SCFD2: variants seen among roughly 807,000 people sequenced by gnomAD.
The protein encoded by SCFD2 is sec1 family domain containing 2, also known as sec1 family domain-containing protein 2.
SCFD2 carries 54 observed loss-of-function variants against 58.9 expected under a neutral mutation model. That is an observed-to-expected ratio of 0.92 (90% CI 0.74 to 1.15). SCFD2 has a LOEUF of 1.15. Among genes scored for constraint, SCFD2 ranks in the 50% most tolerant of loss-of-function variants. The pLI, the probability that SCFD2 is intolerant of heterozygous loss-of-function variation, is 0.00. For missense variants in SCFD2, 805 were observed against 836.6 expected (o/e 0.96, Z 0.47); for synonymous variants, 321 against 335.9 (o/e 0.96, Z 0.49).
At chr4:53,237,476 C>G (rs1247324186) in intron 4 of SCFD2, among the ~76,000 whole-genome samples, 2 of 70,132 alleles carry the variant, frequency 2.9e-5, no homozygotes, top group African/African-American at 1.3e-4. Flanking sequence ...GGGGGCTGAC[C>G]CCCCCACCTC....
intron 3 of SCFD2, 100 bp downstream of exon 3, chr4:53,313,536 A>T: frequency 7.2e-7 from 1 of 1,388,060 alleles, no homozygotes; most frequent in Non-Finnish European, 1.0e-6. Flanking sequence ...AGTCGTTACT[A>T]CTTTGGCCTA....
intron 6 of SCFD2, among the ~76,000 whole-genome samples, chr4:52,913,300 A>G (rs1719528693): frequency 6.6e-6 from 1 of 152,180 alleles, no homozygotes; most frequent in Admixed American, 6.5e-5. Flanking sequence ...AAGCTTCATC[A>G]GTATTTACAG....
At chr4:53,247,600 C>G (rs1730135089) in intron 4 of SCFD2, among the ~76,000 whole-genome samples, 2 of 152,182 alleles carry the variant, frequency 1.3e-5, no homozygotes, top group Admixed American at 1.3e-4. Flanking sequence ...TGGCTCACGC[C>G]TGTAATCCCA....
At chr4:53,250,158 C>T (rs578090102) in intron 4 of SCFD2, among the ~76,000 whole-genome samples, 23 of 152,108 alleles carry the variant, frequency 1.5e-4, no homozygotes, top group Non-Finnish European at 3.4e-4. Context: ...ACCCTAGTCT[C>T]GGATAAAACA....
chr4:53,213,707 A>C (rs148243307), intron 4 of SCFD2, among the ~76,000 whole-genome samples: 3 of 152,028 alleles, frequency 2.0e-5, no homozygotes, highest in African/African-American at 7.2e-5. Context: ...GCAAAACATG[A>C]AGGTTAGTTA....
chr4:53,172,475 T>C (rs1727209861), intron 4 of SCFD2, among the ~76,000 whole-genome samples: 1 of 152,226 alleles, frequency 6.6e-6, no homozygotes. Context: ...TATAGGTGTT[T>C]ATTGCTATAA....
At chr4:53,106,495 T>C (rs149994098) in intron 5 of SCFD2, among the ~76,000 whole-genome samples, 1,730 of 152,254 alleles carry the variant, frequency 0.011, 17 homozygotes, top group Middle Eastern at 0.034. Context: ...GAGGAATTGA[T>C]AACTAGAATA....
At chr4:53,268,726 G>A (rs1410496221) in intron 4 of SCFD2, among the ~76,000 whole-genome samples, 1 of 152,108 alleles carries the variant, frequency 6.6e-6, no homozygotes, top group Non-Finnish European at 1.5e-5. Context: ...GAGCTCAACT[G>A]AGGTAGAAGA....
chr4:53,320,100 A>G (rs1219810277), intron 2 of SCFD2, among the ~76,000 whole-genome samples: 2 of 152,230 alleles, frequency 1.3e-5, no homozygotes, highest in East Asian at 3.8e-4. Context: ...ACCTTTCAGG[A>G]TAAGTATCAT....
At chr4:53,339,223 A>G (rs1013915870) in intron 2 of SCFD2, among the ~76,000 whole-genome samples, 2 of 152,044 alleles carry the variant, frequency 1.3e-5, no homozygotes, top group Non-Finnish European at 2.9e-5. Flanking sequence ...AATTACTTGT[A>G]TGGGAGAGTA....
intron 5 of SCFD2, chr4:52,957,729 C>G (rs1296264329): frequency 3.9e-5 from 6 of 152,160 alleles, no homozygotes; most frequent in Non-Finnish European, 8.8e-5. Flanking sequence ...TTGATTAAAC[C>G]CTTGTTTGAT....
intron 5 of SCFD2, among the ~76,000 whole-genome samples, chr4:52,984,430 A>T (rs182938241): frequency 1.0e-3 from 159 of 152,282 alleles, no homozygotes; most frequent in African/African-American, 3.3e-3. Flanking sequence ...TGAGGATCCA[A>T]CCCACTTTTA....
intron 5 of SCFD2, among the ~76,000 whole-genome samples, chr4:52,953,186 G>T (rs1397720765): frequency 6.6e-6 from 1 of 152,174 alleles, no homozygotes; most frequent in Non-Finnish European, 1.5e-5. Flanking sequence ...GTCCTTGGGA[G>T]AGTTACTATC....
intron 5 of SCFD2, among the ~76,000 whole-genome samples, chr4:53,030,267 A>G (rs1722583000): frequency 6.6e-6 from 1 of 152,192 alleles, no homozygotes; most frequent in South Asian, 2.1e-4. Flanking sequence ...AAAAACCACA[A>G]TGAGTGGTAG....
intron 5 of SCFD2, among the ~76,000 whole-genome samples, chr4:53,015,105 CCAG>C (rs1471654497): frequency 1.5e-3 from 226 of 152,268 alleles, no homozygotes; most frequent in African/African-American, 5.3e-3. Context: ...GTTAAAATGA[CCAG>C]CTGTATTACA....
At position 52,875,802 on chromosome 4, in the gene SCFD2, CTATATATATATATATATA is replaced by C. The variant is rs3052566; in HGVS notation, c.1963-1759_1963-1742del. Reference sequence around the variant, plus strand: ...CTTCTTGAAAGAGGATTATCTTTAACTATATATATATATATATATATATATATATATATATATATATAT... The same window carrying C: ...CTTCTTGAAAGAGGATTATCTTTAACTATATATATATATATATATATATAT... On this transcript the variant is annotated intron_variant, in intron 8 of 8. Coordinates refer to ENST00000401642, the MANE Select transcript of SCFD2 (RefSeq NM_152540.4). Among the ~76,000 whole-genome samples, 366 of 61,258 alleles carry C rather than the reference CTATATATATATATATATA, an allele frequency of 6.0e-3. 4 individuals are homozygous for C. Among genetic ancestry groups the C allele is most frequent in the South Asian group, 0.014 (27 of 1,990 alleles). 40.2% of individuals were successfully genotyped at this position (61,258 alleles called of 152,430 possible). A position where few individuals can be genotyped will look rare whatever the true frequency, so the allele number is the denominator to read the frequency against.
intron 2 of SCFD2, among the ~76,000 whole-genome samples, chr4:53,345,242 C>CT: frequency 6.6e-6 from 1 of 152,002 alleles, no homozygotes; most frequent in Non-Finnish European, 1.5e-5. Context: ...AGAACTTAAA[C>CT]AAATTTACAA....
At chr4:52,956,183 G>A in intron 5 of SCFD2, 1 of 456,708 alleles carries the variant, frequency 2.2e-6, no homozygotes, top group Non-Finnish European at 4.4e-6. Context: ...CTCACAGAAT[G>A]GTCATCCCTG....
At chr4:52,924,932 T>C (rs914934402) in intron 5 of SCFD2, among the ~76,000 whole-genome samples, 4 of 152,324 alleles carry the variant, frequency 2.6e-5, no homozygotes, top group African/African-American at 9.6e-5. Flanking sequence ...AGATGGAATA[T>C]GGATACAAAA....
Sources: gnomAD v4.1 joint callset for allele counts (sites outside exome capture counted in the v4.1 genomes callset) on GRCh38, gnomAD v4.1.1 for gene constraint, MANE v1.5 for transcripts, NCBI Gene and HGNC (gene_info 2026-07-23, HGNC 2026-07-21) for gene names.